MBP: variants seen among roughly 807,000 people sequenced by gnomAD.
MBP encodes Golli-MBP.
A neutral mutation model predicts 35.8 loss-of-function variants in MBP; 16 were observed. The observed-to-expected ratio is 0.45, with a 90% CI of 0.30 to 0.68. The LOEUF (loss-of-function observed/expected upper bound fraction) is 0.68, where lower values mean the gene tolerates loss of function less well. Ranked by LOEUF, MBP falls within the 30% of genes least tolerant of loss-of-function variation. The probability of loss-of-function intolerance (pLI) is 0.08; values close to 1 mark genes in which losing one functional copy is unlikely to be tolerated. For missense variants in MBP, 380 were observed against 404.7 expected (o/e 0.94, Z 0.52); for synonymous variants, 143 against 159.6 (o/e 0.90, Z 0.78).
chr18:77,088,422 A>AC (rs1179921738), intron 2 of MBP, among the ~76,000 whole-genome samples: 15 of 152,186 alleles, frequency 9.9e-5, no homozygotes, highest in African/African-American at 3.6e-4. Flanking sequence ...CTAGGTACCA[A>AC]CGTATGACTG....
At chr18:77,013,817 T>C (rs1971478107) in intron 4 of MBP, 1 of 985,478 alleles carries the variant, frequency 1.0e-6, no homozygotes, top group Non-Finnish European at 1.2e-6. Context: ...CACATCACCA[T>C]GTCCAGCTTA....
intron 3 of MBP, among the ~76,000 whole-genome samples, chr18:77,056,783 G>T (rs1252323293): frequency 1.3e-5 from 2 of 152,166 alleles, no homozygotes; most frequent in Non-Finnish European, 1.5e-5. Context: ...CCAGCAACCT[G>T]CAGCTGAGCA....
chr18:77,014,934 T>C (rs1426825950), intron 4 of MBP: 1 of 982,044 alleles, frequency 1.0e-6, no homozygotes, highest in Non-Finnish European at 1.2e-6. Context: ...ATTATTTTTA[T>C]TTTTAAAATT....
intron 3 of MBP, among the ~76,000 whole-genome samples, chr18:77,053,193 G>T (rs1022522582): frequency 6.6e-6 from 1 of 152,218 alleles, no homozygotes; most frequent in Admixed American, 6.5e-5. Flanking sequence ...CCTGGCTGAG[G>T]GTGGCCGCAT....
At chr18:77,015,431 T>C in intron 4 of MBP, 4 of 985,452 alleles carry the variant, frequency 4.1e-6, no homozygotes, top group Non-Finnish European at 4.8e-6. Flanking sequence ...GTGCTTCCAG[T>C]TGAAATTAGC....
chr18:77,054,004 C>A (rs1269482152), intron 3 of MBP, among the ~76,000 whole-genome samples: 2 of 152,244 alleles, frequency 1.3e-5, no homozygotes, highest in African/African-American at 2.4e-5. Flanking sequence ...GAGGTGGGGC[C>A]ACATGATGCT....
In MBP at chr18:76,997,714, A is replaced by T. The variant is rs2974263; in HGVS notation, c.577-7654T>A. ...TTTTTTTTTTTTGAGACGGAGTCTCACTTTGTCCCCCAGGCTGGAGTGCAG... is the reference window on the plus strand; with the variant it reads ...TTTTTTTTTTTTGAGACGGAGTCTCTCTTTGTCCCCCAGGCTGGAGTGCAG... On this transcript the variant is annotated intron_variant, in intron 4 of 8. Coordinates refer to ENST00000355994, the MANE Select transcript of MBP (RefSeq NM_001025101.2). Among the ~76,000 whole-genome samples the T allele has an allele frequency of 1.9e-4, 29 of 149,680 alleles. No homozygotes were observed. The South Asian group carries it at 4.4e-3, about 23-fold the overall frequency.
At position 76,984,747 on chromosome 18, in the gene MBP, C is replaced by T. The variant is rs78986303; in HGVS notation, c.870+28G>A. Reference sequence around the variant, plus strand: ...ATTCTGGGAGCCCTTAGTCCCCGCTCAGTGGAGCTGAGCAGAGGGTACCTT... The same window carrying T: ...ATTCTGGGAGCCCTTAGTCCCCGCTTAGTGGAGCTGAGCAGAGGGTACCTT... On this transcript the variant is annotated intron_variant, in intron 8 of 8. Coordinates refer to ENST00000355994, the MANE Select transcript of MBP (RefSeq NM_001025101.2). 15,610 of 1,613,610 alleles carry T rather than the reference C, an allele frequency of 9.7e-3. 554 individuals carry two copies. The African/African-American group carries it at 0.12, about 12-fold the overall frequency.
At chr18:77,114,820 C>G (rs1976602212) in intron 1 of MBP, 1 of 152,428 alleles carries the variant, frequency 6.6e-6, no homozygotes, top group Admixed American at 6.5e-5. Flanking sequence ...GTGCGGTGCG[C>G]AAGCCGCCCA....
At chr18:77,109,662 C>T (rs747419385) in intron 1 of MBP, 5 of 152,204 alleles carry the variant, frequency 3.3e-5, no homozygotes, top group Non-Finnish European at 7.3e-5. Flanking sequence ...TACTCCCACT[C>T]CCAAACCTGC....
intron 1 of MBP, among the ~76,000 whole-genome samples, chr18:77,128,536 C>T (rs1977135268): frequency 6.6e-6 from 1 of 151,990 alleles, no homozygotes. Context: ...CACACACACA[C>T]ACACACACAC....
At chr18:77,030,306 G>A (rs1455320931) in intron 3 of MBP, among the ~76,000 whole-genome samples, 4 of 152,192 alleles carry the variant, frequency 2.6e-5, no homozygotes. Context: ...AGACCCAAGA[G>A]CCCATGGTAC....
At chr18:77,061,750 T>C (rs1439941714) in intron 3 of MBP, among the ~76,000 whole-genome samples, 1 of 152,250 alleles carries the variant, frequency 6.6e-6, no homozygotes. Context: ...TTTTTCCTAC[T>C]GTCAGCTAAC....
At chr18:77,026,934 A>C (rs1056380551) in intron 3 of MBP, among the ~76,000 whole-genome samples, 1 of 152,206 alleles carries the variant, frequency 6.6e-6, no homozygotes, top group Non-Finnish European at 1.5e-5. Context: ...ATCTTAAATG[A>C]GACAGAAGGC....
intron 7 of MBP, chr18:76,986,077 G>A: frequency 1.0e-6 from 1 of 985,646 alleles, no homozygotes; most frequent in Non-Finnish European, 1.2e-6. Flanking sequence ...TGGGCGCGGT[G>A]GACGTTAACA....
intron 7 of MBP, 61 bp from the exon 8 acceptor site, chr18:76,984,955 C>G: frequency 3.1e-6 from 5 of 1,599,250 alleles, no homozygotes; most frequent in Non-Finnish European, 4.3e-6. Flanking sequence ...CTGCTTGAGC[C>G]ACTGGGAGCT....
rs1976009720 is a variant in MBP at position 77,101,549 on chromosome 18, AT to A, written c.51+3661del. On this transcript the variant is annotated intron_variant, in intron 2 of 8. Coordinates refer to ENST00000355994, the MANE Select transcript of MBP (RefSeq NM_001025101.2). The surrounding 1 kb of genome is among the most constrained non-coding windows in gnomAD (Gnocchi z 4.3). ...GGCGGAGTGCTTCTGCCTGAATCTG[AT>A]GTCTCCTGTTCTGACCCTCAACTGG... is the stretch of plus-strand genomic sequence containing the variant. Among the ~76,000 whole-genome samples, 1 of 150,704 alleles carries A rather than the reference AT, an allele frequency of 6.6e-6. No homozygotes were observed. The highest frequency in any genetic ancestry group is 1.5e-5 in the Non-Finnish European group (1 of 67,438).
intron 3 of MBP, among the ~76,000 whole-genome samples, chr18:77,040,058 A>C (rs1244231914): frequency 1.3e-5 from 2 of 152,200 alleles, no homozygotes; most frequent in Non-Finnish European, 2.9e-5. Flanking sequence ...AGAAATTATA[A>C]AGCCACAGTT....
chr18:77,050,645 C>G (rs1327593378), intron 3 of MBP, among the ~76,000 whole-genome samples: 1 of 152,170 alleles, frequency 6.6e-6, no homozygotes, highest in African/African-American at 2.4e-5. Context: ...CTCCCAGATT[C>G]AAGTGATTCT....
Sources: allele counts gnomAD v4.1 joint callset (sites outside exome capture counted in the v4.1 genomes callset), GRCh38; gene constraint gnomAD v4.1.1; non-coding constraint Gnocchi (gnomAD v3.1); transcripts MANE v1.5; gene names NCBI Gene and HGNC (gene_info 2026-07-23, HGNC 2026-07-21).